TSC22D2: variants seen among roughly 807,000 people sequenced by gnomAD.
TSC22D2 encodes the protein TSC22 domain family member 2, also known as TSC22 domain family protein 2.
In TSC22D2, 5 loss-of-function variants were observed where a neutral mutation model predicts 50.1. That is an observed-to-expected ratio of 0.10 (90% CI 0.05 to 0.21). The LOEUF is 0.21. Among genes scored for constraint, TSC22D2 ranks in the 10% least tolerant of loss-of-function variants. TSC22D2 has a pLI of 1.00. For missense variants in TSC22D2, 1,003 were observed against 1,015.5 expected, an observed-to-expected ratio of 0.99 and a Z score of 0.17; for synonymous variants, 501 against 450.1, an observed-to-expected ratio of 1.11 and a Z score of -1.43.
chr3:150,419,948 A>C (rs1330207328), intron 1 of TSC22D2, among the ~76,000 whole-genome samples: 1 of 152,330 alleles, frequency 6.6e-6, no homozygotes, highest in South Asian at 2.1e-4. Context: ...TAAACTGTTA[A>C]AAAGCTGGTT....
chr3:150,458,862 T>C lies in TSC22D2; in HGVS notation c.*226T>C, dbSNP rs1213619778. On this transcript the variant is annotated 3_prime_UTR_variant, in exon 3 of 3. Transcript: ENST00000688009. ...ATCAGTACACAAGGAGAATAATAGATGGGGTTTATTAAAGCGAGCAAAGTC... is the reference window on the plus strand; with the variant it reads ...ATCAGTACACAAGGAGAATAATAGACGGGGTTTATTAAAGCGAGCAAAGTC... 1 of 503,182 alleles carries C rather than the reference T, an allele frequency of 2.0e-6. No homozygotes were observed. Among genetic ancestry groups the C allele is most frequent in the African/African-American group, 1.9e-5 (1 of 51,844 alleles). 31.2% of individuals were successfully genotyped at this position (503,182 alleles called of 1,614,324 possible). A position where few individuals can be genotyped will look rare whatever the true frequency, so the allele number is the denominator to read the frequency against.
At chr3:150,416,142 T>C (rs1719787925) in intron 1 of TSC22D2, among the ~76,000 whole-genome samples, 1 of 152,202 alleles carries the variant, frequency 6.6e-6, no homozygotes, top group South Asian at 2.1e-4. Flanking sequence ...TGGAGTGGCA[T>C]GAAATATAGT....
chr3:150,440,802 T>C (rs78853693), intron 1 of TSC22D2, among the ~76,000 whole-genome samples: 1,922 of 152,126 alleles, frequency 0.013, 53 homozygotes, highest in African/African-American at 0.044. Flanking sequence ...GGTTTAATTT[T>C]ACTCTCCAAT....
chr3:150,410,678 C>T lies in TSC22D2; in HGVS notation c.1328C>T (p.Pro443Leu), dbSNP rs569362687. The change falls in exon 1 of 3, where the codon CCA becomes CTA. Residue 443 changes from proline (P) to leucine (L), a missense_variant. By Grantham distance (98) the Pro-to-Leu change is moderately conservative. Around this residue, in one of 6 missense-constraint regions of TSC22D2, gnomAD observed 696 missense variants for 647.8 expected, o/e 1.07. Coordinates refer to ENST00000688009, the MANE Select transcript of TSC22D2 (RefSeq NM_001303264.2). ...GAAGCCATGGCCCCCCGGACGGGAC[C>T]AGCGCAAGGCGGGCAGGTCGCGCCT... is the stretch of plus-strand genomic sequence containing the variant. ...PSEAMAPRTG[P>L]AQGGQVAPCQ... 6.4e-7 allele frequency: 1 copy of T among 1,560,078 alleles called. No individual in the cohort carries two copies. The highest frequency in any genetic ancestry group is 1.9e-5 in the Admixed American group (1 of 52,974).
intron 1 of TSC22D2, among the ~76,000 whole-genome samples, chr3:150,417,673 T>A (rs1478091105): frequency 6.6e-6 from 1 of 152,084 alleles, no homozygotes; most frequent in African/African-American, 2.4e-5. Context: ...ATTTGAACAG[T>A]CTGTAACATA....
chr3:150,413,008 A>C (rs1719650171), intron 1 of TSC22D2, among the ~76,000 whole-genome samples: 1 of 151,630 alleles, frequency 6.6e-6, no homozygotes, highest in South Asian at 2.1e-4. Flanking sequence ...ACACACACAC[A>C]CCCCTCCACC....
chr3:150,431,915 A>G (rs1720393862), intron 1 of TSC22D2, among the ~76,000 whole-genome samples: 1 of 152,168 alleles, frequency 6.6e-6, no homozygotes, highest in African/African-American at 2.4e-5. Flanking sequence ...AAAATAGTGT[A>G]ATTTGAAGAC....
At position 150,409,479 on chromosome 3, in the gene TSC22D2, C is replaced by T; in HGVS notation, c.129C>T (p.Asp43=). The T allele has an allele frequency of 6.2e-7, 1 of 1,613,326 alleles. No homozygotes were observed. Among genetic ancestry groups the T allele is most frequent in the Non-Finnish European group, 8.5e-7 (1 of 1,179,788 alleles). Residue 43 remains aspartate, a synonymous_variant, in exon 1 of 3, where the codon GAC becomes GAT. Coordinates refer to ENST00000688009, the MANE Select transcript of TSC22D2 (RefSeq NM_001303264.2). This position sits in a 1 kb window ranked among gnomAD's most constrained non-coding sequence, Gnocchi z 7.4. ...ACCCGGACGAGTCACGCACAGAGGA[C>T]GTCTCCTCCGAGATTTTCGACGTCT... The part of the protein sequence containing the change: ...LDDPDESRTE[D]VSSEIFDVSR...
At chr3:150,445,741 A>T (rs1342964297) in intron 1 of TSC22D2, among the ~76,000 whole-genome samples, 1 of 152,112 alleles carries the variant, frequency 6.6e-6, no homozygotes, top group Non-Finnish European at 1.5e-5. Flanking sequence ...ATCCCATTTT[A>T]TAGTTGAGGA....
intron 1 of TSC22D2, among the ~76,000 whole-genome samples, chr3:150,446,454 A>G (rs973170909): frequency 2.6e-5 from 4 of 152,264 alleles, no homozygotes; most frequent in African/African-American, 9.6e-5. Flanking sequence ...GTTTGAAACC[A>G]GCATGGGCAA....
intron 1 of TSC22D2, chr3:150,438,095 C>A (rs903525145): frequency 1.7e-5 from 4 of 232,260 alleles, no homozygotes; most frequent in East Asian, 1.1e-4. Flanking sequence ...TTTTAAAGTA[C>A]AAAATATCAG....
At chr3:150,446,261 A>T (rs1173587904) in intron 1 of TSC22D2, among the ~76,000 whole-genome samples, 2 of 152,208 alleles carry the variant, frequency 1.3e-5, no homozygotes, top group African/African-American at 4.8e-5. Context: ...AAGAAAAAAT[A>T]CTTTAGACAA....
At position 150,409,141 on chromosome 3, in the gene TSC22D2, G is replaced by A; in HGVS notation, c.-210G>A. 4.1e-6 allele frequency: 2 copies of A among 488,674 alleles called. No homozygotes were observed. The highest frequency in any genetic ancestry group is 7.2e-6 in the Non-Finnish European group (2 of 276,820). The allele number at this position is 488,674 out of a possible 1,614,324, so 30.3% of individuals were successfully genotyped here. A position where few individuals can be genotyped will look rare whatever the true frequency, so the allele number is the denominator to read the frequency against. On this transcript the variant is annotated 5_prime_UTR_variant, in exon 1 of 3. Transcript: ENST00000688009. The surrounding 1 kb of genome is among the most constrained non-coding windows in gnomAD (Gnocchi z 7.4). ...GCGGGACTGAGACGGGGGCAGAGCC[G>A]AAGAGACCGACACAGAGAAGGAAAC...
chr3:150,410,633 G>T lies in TSC22D2; in HGVS notation c.1283G>T (p.Gly428Val). Residue 428 changes from glycine to valine, a missense_variant, in exon 1 of 3, where the codon GGC becomes GTC. Around this residue, in one of 6 missense-constraint regions of TSC22D2, gnomAD observed 696 missense variants for 647.8 expected, o/e 1.07. Transcript: ENST00000688009. ...NASSVGAQLMGASSQPSEAMA... is the reference protein window; with the variant it reads ...NASSVGAQLMVASSQPSEAMA... ...TCCTCGGTGGGCGCGCAGCTCATGG[G>T]CGCGTCTTCCCAGCCCAGCGAAGCC... 1 of 1,553,356 alleles carries T rather than the reference G, an allele frequency of 6.4e-7. No individual in the cohort carries two copies. Among genetic ancestry groups the T allele is most frequent in the Non-Finnish European group, 8.7e-7 (1 of 1,151,850 alleles).
At chr3:150,420,927 C>A (rs1328761127) in intron 1 of TSC22D2, among the ~76,000 whole-genome samples, 1 of 151,940 alleles carries the variant, frequency 6.6e-6, no homozygotes, top group Non-Finnish European at 1.5e-5. Flanking sequence ...ACTAAAAATA[C>A]CAAAAATTAG....
Position 150,431,224 on chromosome 3 carries a change from CAAAAAA to C in TSC22D2, c.1958+19938_1958+19943del, listed in dbSNP as rs71138443. Among the ~76,000 whole-genome samples the C allele has an allele frequency of 1.6e-3, 45 of 27,960 alleles. 1 individual carries two copies. Among genetic ancestry groups the C allele is most frequent in the African/African-American group, 6.6e-3 (40 of 6,082 alleles). 18.3% of individuals were successfully genotyped at this position (27,960 alleles called of 152,430 possible). On this transcript the variant is annotated intron_variant, in intron 1 of 2. Transcript: ENST00000688009. ...TGGGTGACAGAGTGAGGCTCTGTCT[CAAAAAA>C]AAAAAAAAAAAAAAAAAAAAAGAGT... is the stretch of plus-strand genomic sequence containing the variant.
At chr3:150,435,280 CTTT>C (rs1416135832) in intron 1 of TSC22D2, among the ~76,000 whole-genome samples, 1 of 152,008 alleles carries the variant, frequency 6.6e-6, no homozygotes, top group East Asian at 1.9e-4. Flanking sequence ...TGCATCCGGC[CTTT>C]TTATATGTTA....
chr3:150,437,264 T>C (rs1331463546), intron 1 of TSC22D2, among the ~76,000 whole-genome samples: 1 of 152,172 alleles, frequency 6.6e-6, no homozygotes, highest in Admixed American at 6.5e-5. Context: ...TATTAAATCT[T>C]CCTACCTCCA....
At chr3:150,436,514 A>T (rs892734922) in intron 1 of TSC22D2, among the ~76,000 whole-genome samples, 4 of 152,334 alleles carry the variant, frequency 2.6e-5, no homozygotes, top group African/African-American at 9.6e-5. Context: ...TATTTGTCCT[A>T]TAAAAAGTAA....
Sources: allele counts gnomAD v4.1 joint callset (sites outside exome capture counted in the v4.1 genomes callset), GRCh38; gene constraint gnomAD v4.1.1; regional missense constraint gnomAD v4.1.1; non-coding constraint Gnocchi (gnomAD v3.1); transcripts MANE v1.5; gene names NCBI Gene and HGNC (gene_info 2026-07-23, HGNC 2026-07-21).